The following PTPRN2 variants were observed in gnomAD, a reference collection of about 807,000 sequenced individuals.
PTPRN2 encodes receptor-type tyrosine-protein phosphatase N2.
PTPRN2 carries 74 observed loss-of-function variants against 118.8 expected under a neutral mutation model. The observed-to-expected ratio is 0.62, with a 90% CI of 0.52 to 0.76. PTPRN2 has a LOEUF of 0.76. Among genes scored for constraint, PTPRN2 ranks in the 30% least tolerant of loss-of-function variants. PTPRN2 has a pLI of 0.00. For missense variants in PTPRN2, 1,481 were observed against 1,394.4 expected (o/e 1.06, Z -0.99); for synonymous variants, 641 against 608.0 (o/e 1.05, Z -0.80).
At chr7:157,672,544 AG>A in intron 13 of PTPRN2, among the ~76,000 whole-genome samples, 1 of 152,288 alleles carries the variant, frequency 6.6e-6, no homozygotes, top group African/African-American at 2.4e-5. Context: ...AGGTGATTCC[AG>A]GTCGGGAAAG....
chr7:158,101,705 T>C (rs534536397), intron 10 of PTPRN2, among the ~76,000 whole-genome samples: 39 of 152,160 alleles, frequency 2.6e-4, no homozygotes, highest in African/African-American at 9.2e-4. Flanking sequence ...TTAAAAGAAA[T>C]CCCACCTGGT....
At chr7:157,586,396 A>G (rs1156491087) in intron 17 of PTPRN2, among the ~76,000 whole-genome samples, 1 of 152,244 alleles carries the variant, frequency 6.6e-6, no homozygotes, top group East Asian at 1.9e-4. Context: ...AGGGGGTGGA[A>G]CAGGATGATG....
Position 157,874,726 on chromosome 7 carries a change from C to G in PTPRN2, c.1788+23947G>C, listed in dbSNP as rs1015401296. ...AGACACACACTCATGCACACACACACAGAGACACACTCATGCACATACACA... is the reference window on the plus strand; with the variant it reads ...AGACACACACTCATGCACACACACAGAGAGACACACTCATGCACATACACA... On this transcript the variant is annotated intron_variant, in intron 12 of 22. Coordinates refer to ENST00000389418, the MANE Select transcript of PTPRN2 (RefSeq NM_002847.5). This position sits in a 1 kb window ranked among gnomAD's most constrained non-coding sequence, Gnocchi z 5.8. 2.0e-5 allele frequency among the ~76,000 whole-genome samples: 3 copies of G among 151,842 alleles called. No individual in the cohort carries two copies. The highest frequency in any genetic ancestry group is 2.1e-4 in the South Asian group (1 of 4,816).
At chr7:157,721,675 G>A (rs6964617) in intron 12 of PTPRN2, among the ~76,000 whole-genome samples, 85,822 of 151,512 alleles carry the variant, frequency 0.57, 25,264 homozygotes, top group Non-Finnish European at 0.62. Context: ...GCAAGGGTGT[G>A]TGTCTCGACA....
chr7:157,695,381 T>A (rs1797714173), intron 12 of PTPRN2, among the ~76,000 whole-genome samples: 1 of 152,146 alleles, frequency 6.6e-6, no homozygotes, highest in African/African-American at 2.4e-5. Flanking sequence ...ACTAAGACAG[T>A]AATTTATAAT....
At chr7:158,332,906 ACC>A (rs1417254580) in intron 2 of PTPRN2, among the ~76,000 whole-genome samples, 12 of 150,262 alleles carry the variant, frequency 8.0e-5, no homozygotes, top group African/African-American at 2.7e-4. Context: ...CGTCACTCAC[ACC>A]CACACTCTCA....
Position 157,767,562 on chromosome 7 carries a change from A to G in PTPRN2, c.1789-84625T>C, listed in dbSNP as rs938637652. Among the ~76,000 whole-genome samples, 7 of 152,212 alleles carry G rather than the reference A, an allele frequency of 4.6e-5. 1 individual carries two copies. Among genetic ancestry groups the G allele is most frequent in the Admixed American group, 1.3e-4 (2 of 15,284 alleles). On this transcript the variant is annotated intron_variant, in intron 12 of 22. Transcript: ENST00000389418. ...CTCCTGCTCTCCCAGGAAACACTGCATTGGGGAAGTGAGTGCCCATGGGTG... is the reference window on the plus strand; with the variant it reads ...CTCCTGCTCTCCCAGGAAACACTGCGTTGGGGAAGTGAGTGCCCATGGGTG...
At chr7:158,213,346 A>T (rs527508910) in intron 3 of PTPRN2, among the ~76,000 whole-genome samples, 1 of 152,032 alleles carries the variant, frequency 6.6e-6, no homozygotes, top group East Asian at 1.9e-4. Flanking sequence ...ACACACAAAT[A>T]TTTTTTTCAC....
chr7:157,651,732 G>A (rs890392355), intron 14 of PTPRN2, among the ~76,000 whole-genome samples: 2 of 152,194 alleles, frequency 1.3e-5, no homozygotes, highest in East Asian at 1.9e-4. Flanking sequence ...CCACGTCCCC[G>A]CAGATGATTA....
chr7:157,642,839 A>AAAAAC (rs1804778924), intron 14 of PTPRN2, among the ~76,000 whole-genome samples: 1 of 148,344 alleles, frequency 6.7e-6, no homozygotes. Context: ...AAAAAAAAAA[A>AAAAAC]AAAAAGCAGC....
intron 1 of PTPRN2, among the ~76,000 whole-genome samples, chr7:158,530,006 T>C (rs1255679309): frequency 6.6e-6 from 1 of 152,240 alleles, no homozygotes; most frequent in Non-Finnish European, 1.5e-5. Context: ...GCATGCCACA[T>C]GCACACCCCT....
In PTPRN2 at chr7:158,166,925, G is replaced by A. The variant is rs1233199318; in HGVS notation, c.910+6C>T. 24 of 1,424,888 alleles carry A rather than the reference G, an allele frequency of 1.7e-5. No individual in the cohort carries two copies. Among genetic ancestry groups the A allele is most frequent in the Middle Eastern group, 2.3e-4 (1 of 4,302 alleles). 88.3% of individuals were successfully genotyped at this position (1,424,888 alleles called of 1,614,324 possible). ...AAACAAGAAACACCAAGCGGGGCTGGCTCACCATCGCCTGTGCTGGAGGGG... is the reference window on the plus strand; with the variant it reads ...AAACAAGAAACACCAAGCGGGGCTGACTCACCATCGCCTGTGCTGGAGGGG... On this transcript the variant is annotated splice_donor_region_variant and intron_variant, in intron 6 of 22. Coordinates refer to ENST00000389418, the MANE Select transcript of PTPRN2 (RefSeq NM_002847.5).
At chr7:157,847,702 GCTCT>G (rs1242812472) in intron 12 of PTPRN2, among the ~76,000 whole-genome samples, 1 of 125,048 alleles carries the variant, frequency 8.0e-6, no homozygotes. Flanking sequence ...TTTACAGAGC[GCTCT>G]CTCACTCCAT....
intron 11 of PTPRN2, among the ~76,000 whole-genome samples, chr7:157,973,021 C>A (rs961919513): frequency 6.6e-6 from 1 of 152,250 alleles, no homozygotes; most frequent in Non-Finnish European, 1.5e-5. Context: ...AGGAACTCCA[C>A]ACCACAAGAA....
At chr7:158,552,939 G>A (rs115059507) in intron 1 of PTPRN2, among the ~76,000 whole-genome samples, 3,332 of 152,256 alleles carry the variant, frequency 0.022, 97 homozygotes, top group African/African-American at 0.076. Flanking sequence ...TACACAAACA[G>A]GCTTGGGAAT....
chr7:158,272,579 C>T (rs542701028), intron 3 of PTPRN2, among the ~76,000 whole-genome samples: 31 of 152,314 alleles, frequency 2.0e-4, no homozygotes, highest in African/African-American at 6.0e-4. Context: ...AGACACCGCA[C>T]GCGGCCCACC....
At chr7:158,310,656 C>T (rs568806711) in intron 3 of PTPRN2, among the ~76,000 whole-genome samples, 20 of 151,892 alleles carry the variant, frequency 1.3e-4, no homozygotes, top group Admixed American at 2.0e-4. Flanking sequence ...GCAAATCCCA[C>T]GGAGGGCGAG....
chr7:157,916,497 A>C (rs1369633019), intron 11 of PTPRN2, among the ~76,000 whole-genome samples: 2 of 152,236 alleles, frequency 1.3e-5, no homozygotes, highest in African/African-American at 4.8e-5. Context: ...TGTAATCCAT[A>C]AGACAGTGTG....
intron 14 of PTPRN2, among the ~76,000 whole-genome samples, chr7:157,639,329 C>G (rs1440351548): frequency 6.6e-6 from 1 of 152,158 alleles, no homozygotes; most frequent in Non-Finnish European, 1.5e-5. Flanking sequence ...AGCCACTGTG[C>G]CCAGCTATCT....
Sources: allele counts gnomAD v4.1 joint callset (sites outside exome capture counted in the v4.1 genomes callset), GRCh38; gene constraint gnomAD v4.1.1; non-coding constraint Gnocchi (gnomAD v3.1); transcripts MANE v1.5; gene names NCBI Gene and HGNC (gene_info 2026-07-23, HGNC 2026-07-21).